SGCD: variants seen among roughly 807,000 people sequenced by gnomAD.
The protein encoded by SGCD is delta-sarcoglycan.
SGCD carries 18 observed loss-of-function variants against 36.6 expected under a neutral mutation model. The observed-to-expected ratio is 0.49, with a 90% CI of 0.34 to 0.73. The LOEUF (loss-of-function observed/expected upper bound fraction) is 0.73, where lower values mean the gene tolerates loss of function less well. SGCD is among the 30% of genes least tolerant of loss of function. The probability of loss-of-function intolerance (pLI) is 0.01; values close to 1 mark genes in which losing one functional copy is unlikely to be tolerated. For missense variants in SGCD, 387 were observed against 346.7 expected (o/e 1.12, Z -0.92); for synonymous variants, 133 against 130.6 (o/e 1.02, Z -0.12).
chr5:156,111,589 A>G (rs1280008617), intron 1 of SGCD, among the ~76,000 whole-genome samples: 3 of 152,280 alleles, frequency 2.0e-5, no homozygotes, highest in East Asian at 3.9e-4. Context: ...GTCTAGGAAG[A>G]AGAGAGACCA....
chr5:155,957,091 G>T (rs1757677383), intron 1 of SGCD, among the ~76,000 whole-genome samples: 1 of 142,694 alleles, frequency 7.0e-6, no homozygotes, highest in African/African-American at 2.8e-5. Context: ...TGAATAAGGT[G>T]CTCAAGGAAG....
At chr5:156,288,192 C>T (rs1294095919) in intron 3 of SGCD, among the ~76,000 whole-genome samples, 1 of 152,074 alleles carries the variant, frequency 6.6e-6, no homozygotes, top group African/African-American at 2.4e-5. Flanking sequence ...CTCTCGGGAG[C>T]TTTGCTGCCA....
chr5:156,645,563 A>T (rs1201732264), intron 6 of SGCD, among the ~76,000 whole-genome samples: 2 of 152,200 alleles, frequency 1.3e-5, no homozygotes, highest in Non-Finnish European at 2.9e-5. Flanking sequence ...ATGAGCATGT[A>T]AAGGAGGGAC....
intron 3 of SGCD, among the ~76,000 whole-genome samples, chr5:156,485,732 C>A (rs939294147): frequency 1.3e-5 from 2 of 152,194 alleles, no homozygotes; most frequent in Middle Eastern, 3.4e-3. Flanking sequence ...GACAAAGCAA[C>A]AGGTAGATAA....
intron 3 of SGCD, among the ~76,000 whole-genome samples, chr5:156,247,231 G>A (rs1384762800): frequency 2.0e-5 from 3 of 152,102 alleles, no homozygotes; most frequent in African/African-American, 4.8e-5. Context: ...AGGATTCTGC[G>A]GGGGCTTAAT....
intron 3 of SGCD, among the ~76,000 whole-genome samples, chr5:156,142,526 C>A (rs1209821190): frequency 6.6e-6 from 1 of 152,094 alleles, no homozygotes; most frequent in African/African-American, 2.4e-5. Flanking sequence ...GTTCTTGTGG[C>A]CAAAATGCTG....
chr5:155,891,558 CTTTTT>C (rs372399423), intron 1 of SGCD, among the ~76,000 whole-genome samples: 1 of 60,778 alleles, frequency 1.6e-5, no homozygotes, highest in Non-Finnish European at 2.8e-5. Flanking sequence ...AATAAATACT[CTTTTT>C]TTTTTTTTTT....
At chr5:156,158,286 C>T (rs1437528753) in intron 3 of SGCD, among the ~76,000 whole-genome samples, 2 of 151,826 alleles carry the variant, frequency 1.3e-5, no homozygotes, top group East Asian at 3.9e-4. Context: ...ATCCTAGACA[C>T]TCCTTAGCCT....
chr5:156,756,690 CTTGAT>C (rs1330373005), intron 7 of SGCD, among the ~76,000 whole-genome samples: 2 of 152,174 alleles, frequency 1.3e-5, no homozygotes, highest in African/African-American at 4.8e-5. Flanking sequence ...GGCTGATTCT[CTTGAT>C]TTATTTTTTA....
chr5:156,751,234 G>A (rs1052463684), intron 7 of SGCD, among the ~76,000 whole-genome samples: 2 of 152,182 alleles, frequency 1.3e-5, no homozygotes, highest in African/African-American at 2.4e-5. Context: ...ATTTATGATG[G>A]ACCTAAATAT....
At chr5:156,750,012 A>G (rs1433070149) in intron 7 of SGCD, among the ~76,000 whole-genome samples, 1 of 152,162 alleles carries the variant, frequency 6.6e-6, no homozygotes, top group East Asian at 1.9e-4. Context: ...ATAATACATA[A>G]TGACAAAGTT....
intron 1 of SGCD, among the ~76,000 whole-genome samples, chr5:156,087,652 A>C (rs1000301605): frequency 2.6e-5 from 4 of 151,912 alleles, no homozygotes; most frequent in African/African-American, 7.3e-5. Flanking sequence ...AAAAAAAAAA[A>C]AAAAAAAAAC....
chr5:156,498,518 C>A (rs968396683), intron 3 of SGCD, among the ~76,000 whole-genome samples: 1 of 152,128 alleles, frequency 6.6e-6, no homozygotes, highest in African/African-American at 2.4e-5. Context: ...TGAGATCATG[C>A]AATATGTGGT....
the SGCD span, among the ~76,000 whole-genome samples, chr5:155,781,330 G>A: frequency 1.9e-4 from 29 of 152,230 alleles, no homozygotes; most frequent in African/African-American, 5.5e-4. Flanking sequence ...ACCCTTGCAC[G>A]GAAGGACACA....
intron 1 of SGCD, among the ~76,000 whole-genome samples, chr5:155,959,431 T>C (rs1757745007): frequency 6.6e-6 from 1 of 152,236 alleles, no homozygotes; most frequent in Middle Eastern, 3.4e-3. Flanking sequence ...AAACTTTCTA[T>C]AGCATATAAT....
At chr5:155,740,108 TTTA>T in the SGCD span, among the ~76,000 whole-genome samples, 2 of 152,124 alleles carry the variant, frequency 1.3e-5, no homozygotes, top group African/African-American at 4.8e-5. Flanking sequence ...TTTTTATTTG[TTTA>T]TTTTAGAGAC....
the SGCD span, among the ~76,000 whole-genome samples, chr5:155,862,924 A>G: frequency 6.6e-6 from 1 of 152,204 alleles, no homozygotes. Flanking sequence ...GAACCCTGAC[A>G]AAGACTGCTT....
At chr5:156,164,022 CAAAAAAA>C (rs1212346034) in intron 3 of SGCD, among the ~76,000 whole-genome samples, 1 of 58,482 alleles carries the variant, frequency 1.7e-5, no homozygotes, top group Non-Finnish European at 3.6e-5. Context: ...GACTCTGTCT[CAAAAAAA>C]AAAAAAAAAA....
At chr5:156,598,679 A>T (rs1761039895) in intron 6 of SGCD, among the ~76,000 whole-genome samples, 1 of 152,248 alleles carries the variant, frequency 6.6e-6, no homozygotes, top group Non-Finnish European at 1.5e-5. Flanking sequence ...TCCTTGGTGC[A>T]TCATGAGTCA....
Sources: gnomAD v4.1 joint callset for allele counts (sites outside exome capture counted in the v4.1 genomes callset) on GRCh38, gnomAD v4.1.1 for gene constraint, MANE v1.5 for transcripts, NCBI Gene and HGNC (gene_info 2026-07-23, HGNC 2026-07-21) for gene names.